INSC: variants seen among roughly 807,000 people sequenced by gnomAD.
The protein encoded by INSC is protein inscuteable homolog.
Under a neutral mutation model 58.6 loss-of-function variants are expected in INSC, and 67 were observed. The observed-to-expected ratio is 1.14, with a 90% CI of 0.94 to 1.40. The LOEUF (loss-of-function observed/expected upper bound fraction) is 1.40. Among genes scored for constraint, INSC ranks in the 40% most tolerant of loss-of-function variants. The pLI, the probability that INSC is intolerant of heterozygous loss-of-function variation, is 0.00. For missense variants in INSC, 714 were observed against 692.0 expected, an observed-to-expected ratio of 1.03 and a Z score of -0.36; for synonymous variants, 262 against 276.1, an observed-to-expected ratio of 0.95 and a Z score of 0.51.
At chr11:15,223,646 C>G (rs187100347) in intron 8 of INSC, among the ~76,000 whole-genome samples, 1 of 152,192 alleles carries the variant, frequency 6.6e-6, no homozygotes, top group Admixed American at 6.5e-5. Flanking sequence ...AGTGTTAGGA[C>G]CTAGAAGGAA....
chr11:15,183,806 A>C (rs992590382), intron 5 of INSC, among the ~76,000 whole-genome samples: 1 of 152,236 alleles, frequency 6.6e-6, no homozygotes, highest in African/African-American at 2.4e-5. Context: ...ATATTGGATA[A>C]AATACAGATA....
At chr11:15,210,529 G>C (rs1288638213) in intron 7 of INSC, among the ~76,000 whole-genome samples, 1 of 151,138 alleles carries the variant, frequency 6.6e-6, no homozygotes, top group African/African-American at 2.4e-5. Context: ...GTGTGTGTGT[G>C]TGTGTGTGTG....
intron 2 of INSC, among the ~76,000 whole-genome samples, chr11:15,160,526 A>G (rs1260398463): frequency 1.3e-5 from 2 of 152,184 alleles, no homozygotes; most frequent in Non-Finnish European, 2.9e-5. Flanking sequence ...TGTGGCTTAT[A>G]TCACCATAAT....
At chr11:15,190,936 C>T in intron 6 of INSC, 122 bp downstream of exon 6, 1 of 661,608 alleles carries the variant, frequency 1.5e-6, no homozygotes, top group East Asian at 2.6e-5. Flanking sequence ...TGCTGAGTCT[C>T]CTTGGGAGAG....
At chr11:15,221,863 C>T (rs1046170061) in intron 8 of INSC, among the ~76,000 whole-genome samples, 1 of 152,124 alleles carries the variant, frequency 6.6e-6, no homozygotes, top group Non-Finnish European at 1.5e-5. Context: ...TGTGTGCGGC[C>T]CTCTGAGAAG....
intron 2 of INSC, among the ~76,000 whole-genome samples, chr11:15,173,289 A>G (rs921697359): frequency 2.0e-5 from 3 of 152,220 alleles, no homozygotes; most frequent in Admixed American, 6.5e-5. Flanking sequence ...CATATTTACA[A>G]AAAAAGCAAT....
chr11:15,209,888 G>C (rs568459232), intron 7 of INSC, among the ~76,000 whole-genome samples: 5 of 152,274 alleles, frequency 3.3e-5, no homozygotes, highest in African/African-American at 1.2e-4. Flanking sequence ...TGAGGGGTGG[G>C]AGTTGGGGGA....
At chr11:15,237,796 A>G (rs1852189257) in intron 10 of INSC, among the ~76,000 whole-genome samples, 1 of 152,222 alleles carries the variant, frequency 6.6e-6, no homozygotes, top group Non-Finnish European at 1.5e-5. Flanking sequence ...GGAACTCATA[A>G]TAAGCTTTAA....
At chr11:15,237,567 C>A (rs947319876) in intron 10 of INSC, among the ~76,000 whole-genome samples, 1 of 152,142 alleles carries the variant, frequency 6.6e-6, no homozygotes, top group Non-Finnish European at 1.5e-5. Flanking sequence ...CAAAGCAGGG[C>A]AGGATTTGAG....
downstream of INSC, among the ~76,000 whole-genome samples, chr11:15,251,719 A>T (rs1055708774): frequency 6.6e-6 from 1 of 152,022 alleles, no homozygotes; most frequent in Non-Finnish European, 1.5e-5. Context: ...TTCTGGTGGG[A>T]TGGTATGGTG....
the INSC span, among the ~76,000 whole-genome samples, chr11:15,265,494 C>G: frequency 1.3e-5 from 2 of 151,504 alleles, no homozygotes; most frequent in African/African-American, 4.8e-5. Context: ...GCACAATTCA[C>G]CTTTTTTTTT....
At chr11:15,185,000 G>A (rs1291549424) in intron 5 of INSC, among the ~76,000 whole-genome samples, 2 of 152,212 alleles carry the variant, frequency 1.3e-5, no homozygotes, top group Non-Finnish European at 2.9e-5. Context: ...TGCAATTAAT[G>A]GTTATTTGAT....
chr11:15,214,585 A>C (rs1044318498), intron 7 of INSC, among the ~76,000 whole-genome samples: 3 of 152,338 alleles, frequency 2.0e-5, no homozygotes, highest in African/African-American at 7.2e-5. Context: ...AATCAGTAGG[A>C]GAATGTTGCC....
the INSC span, among the ~76,000 whole-genome samples, chr11:15,254,491 C>A: frequency 6.6e-6 from 1 of 152,178 alleles, no homozygotes; most frequent in Non-Finnish European, 1.5e-5. Flanking sequence ...CTGTTGTGGA[C>A]TTGAATCCTG....
At chr11:15,177,554 CA>C (rs2133827569) in intron 4 of INSC, among the ~76,000 whole-genome samples, 1 of 152,288 alleles carries the variant, frequency 6.6e-6, no homozygotes, top group East Asian at 1.9e-4. Flanking sequence ...TGCCCACACT[CA>C]CTTTCTCATA....
intron 1 of INSC, among the ~76,000 whole-genome samples, chr11:15,133,165 A>G (rs1289322841): frequency 2.0e-5 from 3 of 151,892 alleles, no homozygotes; most frequent in African/African-American, 7.3e-5. Context: ...ATCACTCTAT[A>G]TTTCTTAGCT....
In INSC at chr11:15,216,065, C is replaced by T. The variant is rs576873565; in HGVS notation, c.820-5412C>T. ...GGGCTAGGTTTAGGGGTCATTGTAG[C>T]GAGTCACTGAGGCAACTTGGGTTTG... is the stretch of plus-strand genomic sequence containing the variant. On this transcript the variant is annotated intron_variant, in intron 7 of 12. Transcript: ENST00000379556. Among the ~76,000 whole-genome samples the T allele has an allele frequency of 1.8e-4, 28 of 152,240 alleles. 1 individual carries two copies. Among genetic ancestry groups the T allele is most frequent in the East Asian group, 3.9e-4 (2 of 5,180 alleles).
intron 12 of INSC, chr11:15,241,584 G>T: frequency 1.4e-6 from 1 of 702,948 alleles, no homozygotes; most frequent in Non-Finnish European, 2.6e-6. Context: ...GGATACAGCT[G>T]CAGGTAAAAA....
chr11:15,119,603 A>C (rs1465253215), intron 1 of INSC, among the ~76,000 whole-genome samples: 3 of 152,218 alleles, frequency 2.0e-5, no homozygotes, highest in Non-Finnish European at 4.4e-5. Context: ...TTGTCTTACA[A>C]ACCAAATATT....
Sources: allele counts gnomAD v4.1 joint callset (sites outside exome capture counted in the v4.1 genomes callset), GRCh38; gene constraint gnomAD v4.1.1; transcripts MANE v1.5; gene names NCBI Gene and HGNC (gene_info 2026-07-23, HGNC 2026-07-21).